The following ABCG2 variants were observed in gnomAD, a reference collection of about 807,000 sequenced individuals.
ABCG2 encodes the protein ATP binding cassette subfamily G member 2 (JR blood group), also known as broad substrate specificity ATP-binding cassette transporter ABCG2.
ABCG2 carries 80 observed loss-of-function variants against 73.5 expected under a neutral mutation model. The observed-to-expected ratio is 1.09, with a 90% confidence interval of 0.91 to 1.31. The LOEUF is 1.31. ABCG2 is among the 50% of genes most tolerant of loss of function. ABCG2 has a pLI of 0.00. For missense variants in ABCG2, 796 were observed against 786.2 expected, an observed-to-expected ratio of 1.01 and a Z score of -0.15; for synonymous variants, 269 against 282.4, an observed-to-expected ratio of 0.95 and a Z score of 0.48.
chr4:88,133,263 A>C (rs1271825237), intron 2 of ABCG2, among the ~76,000 whole-genome samples: 1 of 152,226 alleles, frequency 6.6e-6, no homozygotes, highest in Admixed American at 6.5e-5. Context: ...ATACCGGTAG[A>C]AGTATTCTCA....
At chr4:88,127,214 A>T (rs1458781841) in intron 5 of ABCG2, among the ~76,000 whole-genome samples, 2 of 152,226 alleles carry the variant, frequency 1.3e-5, no homozygotes, top group Non-Finnish European at 2.9e-5. Context: ...TACAACTTAC[A>T]AAAGATGTGA....
intron 2 of ABCG2, among the ~76,000 whole-genome samples, chr4:88,133,083 T>G (rs1725012616): frequency 6.6e-6 from 1 of 152,208 alleles, no homozygotes; most frequent in Non-Finnish European, 1.5e-5. Flanking sequence ...TTGAAATAAC[T>G]AACAGATTCT....
At chr4:88,100,336 C>T (rs1560654853) in intron 11 of ABCG2, among the ~76,000 whole-genome samples, 2 of 151,972 alleles carry the variant, frequency 1.3e-5, no homozygotes, top group African/African-American at 2.4e-5. Flanking sequence ...CCCATCTCTA[C>T]TAAAAATACC....
At chr4:88,143,755 C>A (rs1188988980) in intron 1 of ABCG2, among the ~76,000 whole-genome samples, 2 of 151,446 alleles carry the variant, frequency 1.3e-5, no homozygotes, top group Non-Finnish European at 2.9e-5. Flanking sequence ...CAGGTATAAC[C>A]AAGGCACACC....
intron 1 of ABCG2, among the ~76,000 whole-genome samples, chr4:88,195,217 G>T (rs761872988): frequency 2.0e-5 from 3 of 152,140 alleles, no homozygotes; most frequent in African/African-American, 4.8e-5. Context: ...ATGGGAAACA[G>T]AGTGAGACCC....
At chr4:88,115,284 A>AT (rs58774529) in intron 7 of ABCG2, among the ~76,000 whole-genome samples, 15 of 73,120 alleles carry the variant, frequency 2.1e-4, no homozygotes, top group African/African-American at 6.9e-4. Context: ...ATATATATAT[A>AT]ATTTATTTAT....
chr4:88,226,014 G>C (rs1340120422), intron 1 of ABCG2, among the ~76,000 whole-genome samples: 1 of 152,056 alleles, frequency 6.6e-6, no homozygotes, highest in Non-Finnish European at 1.5e-5. Flanking sequence ...CTCCCACCGG[G>C]TCCCTCCCAC....
At chr4:88,133,719 C>T (rs1045838965) in intron 2 of ABCG2, among the ~76,000 whole-genome samples, 2 of 152,132 alleles carry the variant, frequency 1.3e-5, no homozygotes. Flanking sequence ...AGAATTTGGC[C>T]GGGTGTGGTG....
At chr4:88,227,992 C>G (rs7655059) in intron 1 of ABCG2, among the ~76,000 whole-genome samples, 39,231 of 151,922 alleles carry the variant, frequency 0.26, 6,009 homozygotes, top group African/African-American at 0.42. Context: ...TTCACTGGGA[C>G]CTTCATTTCT....
chr4:88,152,445 A>G (rs906587657), intron 1 of ABCG2, among the ~76,000 whole-genome samples: 1 of 152,012 alleles, frequency 6.6e-6, no homozygotes, highest in Non-Finnish European at 1.5e-5. Flanking sequence ...GGAGATAGGG[A>G]TGGGGCCATT....
rs70957302 is a variant in ABCG2, at chr4:88,125,607, C to CAAAAAAAA, written c.532-3823_532-3816dup. Among the ~76,000 whole-genome samples the CAAAAAAAA allele has an allele frequency of 5.1e-3, 179 of 34,988 alleles. 21 individuals are homozygous for CAAAAAAAA. Among genetic ancestry groups the CAAAAAAAA allele is most frequent in the East Asian group, 0.049 (44 of 898 alleles). 23.0% of individuals were successfully genotyped at this position (34,988 alleles called of 152,430 possible). A position where few individuals can be genotyped will look rare whatever the true frequency, so the allele number is the denominator to read the frequency against. On this transcript the variant is annotated intron_variant, in intron 5 of 15. Transcript: ENST00000237612. ...TGGGCAACAGAGCAAGACTCTGTCT[C>CAAAAAAAA]AAAAAAAAAAAAAAAAAAAAAAAAA...
chr4:88,155,992 G>A (rs1006026822), intron 1 of ABCG2, among the ~76,000 whole-genome samples: 6 of 152,118 alleles, frequency 3.9e-5, no homozygotes, highest in African/African-American at 1.4e-4. Flanking sequence ...ACAGTGCCTT[G>A]GAGAAATGGA....
At chr4:88,140,048 C>T in intron 1 of ABCG2, 34 bp from the exon 2 acceptor site, 1 of 1,558,126 alleles carries the variant, frequency 6.4e-7, no homozygotes, top group African/African-American at 1.4e-5. Context: ...AGTTGATAGT[C>T]CAGATAAATG....
chr4:88,098,685 T>TAGATAGATAGATAGATAGAC (rs1273271669), intron 12 of ABCG2, among the ~76,000 whole-genome samples: 8 of 151,636 alleles, frequency 5.3e-5, no homozygotes, highest in Middle Eastern at 3.4e-3. Context: ...GATAGATAGA[T>TAGATAGATAGATAGATAGAC]AGACAGATAG....
At chr4:88,108,100 A>G (rs2622628) in intron 9 of ABCG2, among the ~76,000 whole-genome samples, 1 of 152,080 alleles carries the variant, frequency 6.6e-6, no homozygotes, top group Non-Finnish European at 1.5e-5. Context: ...ACAAACACCA[A>G]TCTTGTTTCT....
intron 1 of ABCG2, among the ~76,000 whole-genome samples, chr4:88,226,505 T>C (rs568320438): frequency 3.3e-5 from 5 of 152,328 alleles, no homozygotes; most frequent in African/African-American, 9.6e-5. Context: ...GTGATAATCA[T>C]AGCAAACTCA....
intron 10 of ABCG2, 91 bp from the exon 11 acceptor site, chr4:88,101,410 T>C (rs1722408808): frequency 8.6e-7 from 1 of 1,160,392 alleles, no homozygotes; most frequent in Non-Finnish European, 1.3e-6. Context: ...CAAATGACAG[T>C]GTATAAAGTT....
At chr4:88,143,925 G>A (rs368534973) in intron 1 of ABCG2, among the ~76,000 whole-genome samples, 4 of 152,138 alleles carry the variant, frequency 2.6e-5, no homozygotes, top group South Asian at 2.1e-4. Context: ...CAAAGTGCCC[G>A]ATCTCTAATG....
At chr4:88,158,646 T>A, upstream of ABCG2, 1 of 456,186 alleles carries the variant, frequency 2.2e-6, no homozygotes, top group Non-Finnish European at 4.4e-6. Context: ...CACTGCCTCT[T>A]CCCTCCTGCG....
Sources: gnomAD v4.1 joint callset for allele counts (sites outside exome capture counted in the v4.1 genomes callset) on GRCh38, gnomAD v4.1.1 for gene constraint, MANE v1.5 for transcripts, NCBI Gene and HGNC (gene_info 2026-07-23, HGNC 2026-07-21) for gene names.